The following AFF3 variants were observed in gnomAD, a reference collection of about 807,000 sequenced individuals.
AFF3 encodes ALF transcription elongation factor 3, also known as AF4/FMR2 family member 3.
In AFF3, 32 loss-of-function variants were observed where a neutral mutation model predicts 129.7. That is an observed-to-expected ratio of 0.25 (90% CI 0.19 to 0.33). The LOEUF is 0.33. Ranked by LOEUF, AFF3 falls within the 10% of genes least tolerant of loss-of-function variation. AFF3 has a pLI of 1.00. For missense variants in AFF3, 1,373 were observed against 1,592.0 expected (o/e 0.86, Z 2.34); for synonymous variants, 644 against 635.4 (o/e 1.01, Z -0.20).
At chr2:99,892,751 A>G (rs192307018) in intron 7 of AFF3, among the ~76,000 whole-genome samples, 9 of 152,310 alleles carry the variant, frequency 5.9e-5, no homozygotes. Context: ...CTTCCTGCTC[A>G]AGACAGCATC....
intron 13 of AFF3, among the ~76,000 whole-genome samples, chr2:99,635,173 T>A (rs1181658757): frequency 6.6e-6 from 1 of 151,840 alleles, no homozygotes; most frequent in African/African-American, 2.4e-5. Flanking sequence ...TATACACATA[T>A]CTCTATATAT....
At chr2:99,657,310 G>C (rs1685834792) in intron 12 of AFF3, among the ~76,000 whole-genome samples, 1 of 152,196 alleles carries the variant, frequency 6.6e-6, no homozygotes, top group Non-Finnish European at 1.5e-5. Flanking sequence ...TTTGTGTTAA[G>C]TGTTAACTCT....
At chr2:99,715,830 C>T (rs1328135876) in intron 11 of AFF3, among the ~76,000 whole-genome samples, 2 of 152,010 alleles carry the variant, frequency 1.3e-5, no homozygotes, top group African/African-American at 4.8e-5. Context: ...TGCCACCATG[C>T]CCGGCTAATT....
rs1675191040 is a variant in AFF3, at chr2:99,558,767, G to A, written c.3285+108C>T. ...AAATGGGGTTACCTTGGGGACCAGAGGTGACCTGCATTAACCCCAAAGCAA... is the reference window on the plus strand; with the variant it reads ...AAATGGGGTTACCTTGGGGACCAGAAGTGACCTGCATTAACCCCAAAGCAA... On this transcript the variant is annotated intron_variant, in intron 22 of 24. Transcript: ENST00000672756. The A allele has an allele frequency of 5.7e-6, 6 of 1,048,586 alleles. No individual in the cohort carries two copies. The South Asian group carries it at 9.3e-5, about 16-fold the overall frequency. The allele number at this position is 1,048,586 out of a possible 1,614,324, so 65.0% of individuals were successfully genotyped here.
intron 9 of AFF3, 89 bp from the exon 10 acceptor site, chr2:99,744,229 C>A: frequency 8.8e-7 from 1 of 1,142,418 alleles, no homozygotes; most frequent in South Asian, 1.4e-5. Flanking sequence ...ACTGGTCATT[C>A]AGAACCGATT....
chr2:99,720,195 A>G (rs1678768052), intron 11 of AFF3, among the ~76,000 whole-genome samples: 1 of 152,092 alleles, frequency 6.6e-6, no homozygotes, highest in South Asian at 2.1e-4. Flanking sequence ...GTCTCCATCA[A>G]ATCTCATGTT....
At chr2:99,724,721 T>A (rs928581009) in intron 11 of AFF3, among the ~76,000 whole-genome samples, 1 of 152,174 alleles carries the variant, frequency 6.6e-6, no homozygotes, top group Non-Finnish European at 1.5e-5. Flanking sequence ...TCACTCTTTA[T>A]CCGTAATGTA....
At chr2:100,102,228 A>T (rs529168141) in intron 4 of AFF3, among the ~76,000 whole-genome samples, 280 of 150,200 alleles carry the variant, frequency 1.9e-3, no homozygotes, top group South Asian at 3.6e-3. Flanking sequence ...GCATCCAAAA[A>T]TTCATCTGTG....
intron 13 of AFF3, among the ~76,000 whole-genome samples, chr2:99,641,810 T>C (rs1684222498): frequency 6.6e-6 from 1 of 152,182 alleles, no homozygotes; most frequent in Non-Finnish European, 1.5e-5. Flanking sequence ...AAGTAAGGTA[T>C]GTGAGATGCT....
chr2:100,126,272 A>T (rs1261848224), intron 2 of AFF3, among the ~76,000 whole-genome samples: 1 of 152,210 alleles, frequency 6.6e-6, no homozygotes, highest in African/African-American at 2.4e-5. Flanking sequence ...TTAGGCATTG[A>T]TCAGTGGCAA....
rs948204236 is a variant in AFF3 at position 99,546,812 on chromosome 2, A to G, written c.*4662T>C. The G allele has an allele frequency of 3.3e-5, 7 of 214,224 alleles. No individual in the cohort carries two copies. The highest frequency in any genetic ancestry group is 1.6e-4 in the African/African-American group (7 of 44,264). The allele number at this position is 214,224 out of a possible 1,614,324, so 13.3% of individuals were successfully genotyped here. A position where few individuals can be genotyped will look rare whatever the true frequency, so the allele number is the denominator to read the frequency against. On this transcript the variant is annotated 3_prime_UTR_variant, in exon 25 of 25. Transcript: ENST00000672756. ...CTGACTGCACACAAGTCAGGGAACT[A>G]ACTTGTGACACTAAAGAATGACAAG...
chr2:99,639,482 C>T (rs1683983403), intron 13 of AFF3, among the ~76,000 whole-genome samples: 1 of 152,188 alleles, frequency 6.6e-6, no homozygotes, highest in Non-Finnish European at 1.5e-5. Context: ...TGCATGGAGA[C>T]TCAGTTGGCA....
At chr2:99,578,477 T>C in intron 17 of AFF3, 26 bp from the exon 18 acceptor site, 1 of 1,605,800 alleles carries the variant, frequency 6.2e-7, no homozygotes, top group Non-Finnish European at 8.5e-7. Flanking sequence ...CACACATCTT[T>C]GAGAAATTGG....
chr2:100,048,937 T>G (rs1408150478), intron 4 of AFF3, among the ~76,000 whole-genome samples: 1 of 152,118 alleles, frequency 6.6e-6, no homozygotes, highest in Non-Finnish European at 1.5e-5. Context: ...CAAATTCGGT[T>G]TTTTAAAATA....
At chr2:99,815,101 G>A (rs1414252981) in intron 8 of AFF3, among the ~76,000 whole-genome samples, 2 of 150,640 alleles carry the variant, frequency 1.3e-5, no homozygotes, top group African/African-American at 4.9e-5. Context: ...AAACACCATG[G>A]AAGCTATGAG....
chr2:99,607,312 C>T (rs887273507), intron 13 of AFF3, among the ~76,000 whole-genome samples: 10 of 152,130 alleles, frequency 6.6e-5, no homozygotes, highest in African/African-American at 2.4e-4. Flanking sequence ...GCAGGCAGAT[C>T]ACAAGGTCAA....
At chr2:99,654,753 A>G (rs1685593977) in intron 12 of AFF3, among the ~76,000 whole-genome samples, 1 of 152,108 alleles carries the variant, frequency 6.6e-6, no homozygotes, top group Non-Finnish European at 1.5e-5. Flanking sequence ...GAGACAAAAC[A>G]TGTTCTTTTT....
intron 7 of AFF3, among the ~76,000 whole-genome samples, chr2:99,922,059 C>G (rs540795724): frequency 6.6e-6 from 1 of 152,170 alleles, no homozygotes; most frequent in East Asian, 1.9e-4. Flanking sequence ...CTAACAACAC[C>G]AACTGTTGAT....
Position 99,857,382 on chromosome 2 carries a change from T to C in AFF3, c.874-19858A>G, listed in dbSNP as rs547798509. Among the ~76,000 whole-genome samples the C allele has an allele frequency of 5.9e-5, 9 of 152,354 alleles. No individual in the cohort carries two copies. The East Asian group carries it at 1.5e-3, about 26-fold the overall frequency. On this transcript the variant is annotated intron_variant, in intron 7 of 24. Transcript: ENST00000672756. ...TTAATTCTAAAATAATTATGCTGAT[T>C]ATCAAATGATTCTGTATGATTTAGT...
Sources: gnomAD v4.1 joint callset for allele counts (sites outside exome capture counted in the v4.1 genomes callset) on GRCh38, gnomAD v4.1.1 for gene constraint, MANE v1.5 for transcripts, NCBI Gene and HGNC (gene_info 2026-07-23, HGNC 2026-07-21) for gene names.